The following SHC1 variants were observed in gnomAD, a reference collection of about 807,000 sequenced individuals.
The protein encoded by SHC1 is SHC adaptor protein 1, also known as SHC-transforming protein 1.
Under a neutral mutation model 55.9 loss-of-function variants are expected in SHC1, and 30 were observed. That is an observed-to-expected ratio of 0.54 (90% CI 0.40 to 0.73). SHC1 has a LOEUF of 0.73. Among genes scored for constraint, SHC1 ranks in the 30% least tolerant of loss-of-function variants. The probability of loss-of-function intolerance (pLI) is 0.00; values close to 1 mark genes in which losing one functional copy is unlikely to be tolerated. For synonymous variants in SHC1, 309 were observed against 306.1 expected, an observed-to-expected ratio of 1.01 and a Z score of -0.10; for missense variants, 675 against 777.1, an observed-to-expected ratio of 0.87 and a Z score of 1.56.
At chr1:154,968,360 A>G in intron 4 of SHC1, 103 bp from the exon 5 acceptor site, 1 of 1,536,650 alleles carries the variant, frequency 6.5e-7, no homozygotes, top group Non-Finnish European at 9.0e-7. Context: ...TGGGTTCCTT[A>G]TCCCATATCC....
chr1:154,967,861 C>T, intron 6 of SHC1, 64 bp from the exon 7 acceptor site: 1 of 1,606,076 alleles, frequency 6.2e-7, no homozygotes, highest in Non-Finnish European at 8.5e-7. Flanking sequence ...GACAGGGGCC[C>T]TCATCTTCCT....
Position 154,967,790 on chromosome 1 carries a change from G to A in SHC1, c.864C>T (p.His288=), listed in dbSNP as rs751413466. 1.9e-5 allele frequency: 31 copies of A among 1,613,946 alleles called. 1 individual carries two copies. The highest frequency in any genetic ancestry group is 1.5e-4 in the Admixed American group (9 of 59,992). Residue 288 remains histidine, a synonymous_variant, in exon 7 of 12, where the codon CAC becomes CAT. Coordinates refer to ENST00000448116, the MANE Select transcript of SHC1 (RefSeq NM_001130040.2). ...AKDPVNQRAC[H]ILECPEGLAQ... ...CAAGCCCTTCGGGACACTCCAGAAT[G>A]TGGCAGGCTGAGGGCACAGCAGAGG...
chr1:154,974,304 C>T (rs11811223), upstream of SHC1: 1 of 262,582 alleles, frequency 3.8e-6, no homozygotes, highest in Non-Finnish European at 7.6e-6. Context: ...CCGGATCACG[C>T]CACTGCCAGC....
At chr1:154,964,150 A>G (rs1199352423) in intron 11 of SHC1, 1 of 695,660 alleles carries the variant, frequency 1.4e-6, no homozygotes, top group Admixed American at 1.9e-5. Context: ...CAAAGGCGAC[A>G]TCAGCCCTGA....
chr1:154,971,946 AAAAC>A (rs1432651159), upstream of SHC1, among the ~76,000 whole-genome samples: 4 of 152,076 alleles, frequency 2.6e-5, no homozygotes, highest in Non-Finnish European at 5.9e-5. Context: ...CAAAAAAAAA[AAAAC>A]AAAGATACGT....
At chr1:154,968,406 A>T in intron 4 of SHC1, 89 bp downstream of exon 4, 1 of 1,582,928 alleles carries the variant, frequency 6.3e-7, no homozygotes, top group Non-Finnish European at 8.7e-7. Context: ...CCTGCTCTCA[A>T]GCCCTCTTCC....
At position 154,965,620 on chromosome 1, in the gene SHC1, T is replaced by C; in HGVS notation, c.1549A>G (p.Thr517Ala). Residue 517 changes from threonine to alanine, a missense_variant, in exon 11 of 12, where the codon ACA becomes GCA. Transcript: ENST00000448116. ...GDFLVRESTT[T>A]PGQYVLTGLQ... ...CCAGTGAGCACATACTGGCCAGGTGTGGTCGTGCTCTCCCGTACCAGGAAG... is the reference window on the plus strand; with the variant it reads ...CCAGTGAGCACATACTGGCCAGGTGCGGTCGTGCTCTCCCGTACCAGGAAG... The C allele has an allele frequency of 6.2e-7, 1 of 1,614,070 alleles. No homozygotes were observed. Among genetic ancestry groups the C allele is most frequent in the Non-Finnish European group, 8.5e-7 (1 of 1,180,026 alleles).
At chr1:154,968,140 A>T in intron 5 of SHC1, 64 bp downstream of exon 5, 1 of 1,587,246 alleles carries the variant, frequency 6.3e-7, no homozygotes, top group South Asian at 1.1e-5. Flanking sequence ...TCTCTAATCA[A>T]TGTCTTCCCA....
At chr1:154,974,236 G>C (rs1330416761), upstream of SHC1, 1 of 180,714 alleles carries the variant, frequency 5.5e-6, no homozygotes, top group Non-Finnish European at 1.2e-5. Flanking sequence ...GGAGAAAAAA[G>C]TCAAGACTCA....
Position 154,966,002 on chromosome 1 carries a change from G to A in SHC1, c.1331C>T (p.Ala444Val). 3 of 1,614,088 alleles carry A rather than the reference G, an allele frequency of 1.9e-6. No individual in the cohort carries two copies. The highest frequency in any genetic ancestry group is 2.5e-6 in the Non-Finnish European group (3 of 1,180,004). The change falls in exon 10 of 12, where the codon GCT becomes GTT. Residue 444 changes from alanine (A) to valine (V), a missense_variant. Transcript: ENST00000448116. ...LDKARQAVGG[A>V]GPPNPAINGS... Reference sequence around the variant, plus strand: ...ATTGATAGCAGGATTGGGGGGCCCAGCACCACCCACTGCTTGCCGGGCCTT... The same window carrying A: ...ATTGATAGCAGGATTGGGGGGCCCAACACCACCCACTGCTTGCCGGGCCTT...
intron 11 of SHC1, chr1:154,964,297 A>G (rs1326841217): frequency 2.1e-6 from 1 of 472,300 alleles, no homozygotes; most frequent in Admixed American, 2.3e-5. Flanking sequence ...GCACTCTGGG[A>G]GGCCGAGGGA....
In SHC1 at chr1:154,970,128, C is replaced by A. The variant is rs1355207070; in HGVS notation, c.399G>T (p.Glu133Asp). The stretch of plus-strand genomic sequence containing the variant: ...TGACAAAGCTCCCGTGGCGGGTCCA[C>A]TCCTCGCCCCCAAGCTGGCCCCCTT... Reference protein sequence around the residue: ...RVEGGQLGGEEWTRHGSFVNK... With the variant: ...RVEGGQLGGEDWTRHGSFVNK... The change falls in exon 1 of 12, where the codon GAG (glutamate) becomes GAT (aspartate). Residue 133 changes from glutamate (E) to aspartate (D), a missense_variant. This residue lies in a region of SHC1 where 159 missense variants were observed against 246.9 expected (regional missense o/e 0.64). Transcript: ENST00000448116. The surrounding 1 kb of genome is among the most constrained non-coding windows in gnomAD (Gnocchi z 5.5). 6.2e-7 allele frequency: 1 copy of A among 1,613,370 alleles called. No individual in the cohort carries two copies. Among genetic ancestry groups the A allele is most frequent in the East Asian group, 2.2e-5 (1 of 44,878 alleles).
chr1:154,966,512 G>C lies in SHC1; in HGVS notation c.989C>G (p.Ala330Gly), dbSNP rs776092216. Residue 330 changes from alanine (A) to glycine (G), a missense_variant, in exon 8 of 12, where the codon GCT (alanine) becomes GGT (glycine). Transcript: ENST00000448116. ...ATCCCATGCTGAGCCATCAAAGCCA[G>C]CCATCCTGAGGGACAGGACAGTGAA... The part of the protein sequence containing the change: ...PKLVTPHDRM[A>G]GFDGSAWDEE... 6.3e-7 allele frequency: 1 copy of C among 1,587,438 alleles called. No individual in the cohort carries two copies. The highest frequency in any genetic ancestry group is 8.6e-7 in the Non-Finnish European group (1 of 1,164,952).
In SHC1 at chr1:154,963,704, G is replaced by T; in HGVS notation, c.*99C>A. 2.2e-6 allele frequency: 3 copies of T among 1,357,306 alleles called. No homozygotes were observed. Among genetic ancestry groups the T allele is most frequent in the Non-Finnish European group, 2.1e-6 (2 of 974,444 alleles). The allele number at this position is 1,357,306 out of a possible 1,614,324, so 84.1% of individuals were successfully genotyped here. A position where few individuals can be genotyped will look rare whatever the true frequency, so the allele number is the denominator to read the frequency against. On this transcript the variant is annotated 3_prime_UTR_variant, in exon 12 of 12. Transcript: ENST00000448116. ...CATGCTACTCCCAGCTCTGACACAA[G>T]GCCAAGCCCACAGAACACTCCCAAA...
At chr1:154,973,758 G>A (rs888006156), upstream of SHC1, among the ~76,000 whole-genome samples, 2 of 152,168 alleles carry the variant, frequency 1.3e-5, no homozygotes, top group African/African-American at 4.8e-5. Context: ...AGCTCCTAAG[G>A]GGGCGTGGTC....
Position 154,968,537 on chromosome 1 carries a change from G to C in SHC1, c.708C>G (p.Val236=). The stretch of plus-strand genomic sequence containing the variant: ...CCATGAGGTTGAGGCTGCTGGTGGA[G>C]ACGGTGAGAGTGATTGGCATTCCAG... ...KFAGMPITLT[V]STSSLNLMAA... Residue 236 remains valine, a synonymous_variant, in exon 4 of 12, where the codon GTC becomes GTG. Transcript: ENST00000448116. The C allele has an allele frequency of 2.5e-6, 4 of 1,614,132 alleles. No individual in the cohort carries two copies. The highest frequency in any genetic ancestry group is 3.4e-6 in the Non-Finnish European group (4 of 1,180,012).
chr1:154,964,007 G>T (rs1352426290), intron 11 of SHC1, 76 bp from the exon 12 acceptor site: 3 of 1,512,756 alleles, frequency 2.0e-6, no homozygotes, highest in East Asian at 2.3e-5. Context: ...GTGGAAGAGG[G>T]TGAAACAGAC....
chr1:154,969,968 G>C, intron 1 of SHC1, 64 bp downstream of exon 1: 1 of 1,566,330 alleles, frequency 6.4e-7, no homozygotes, highest in African/African-American at 1.4e-5. Flanking sequence ...TTCCGGCCAA[G>C]CTGGAGTGAG....
chr1:154,968,255 G>T lies in SHC1; in HGVS notation c.753C>A (p.Ile251=). 2 of 1,614,150 alleles carry T rather than the reference G, an allele frequency of 1.2e-6. No individual in the cohort carries two copies. The highest frequency in any genetic ancestry group is 2.2e-5 in the South Asian group (2 of 91,074). Residue 251 remains isoleucine (I), a splice_region_variant and synonymous_variant, in exon 5 of 12, where the codon ATC becomes ATA. Coordinates refer to ENST00000448116, the MANE Select transcript of SHC1 (RefSeq NM_001130040.2). ...LNLMAADCKQ[I]IANHHMQSIS... is the part of the protein sequence containing the mutation. ...TAGATTGCATGTGGTGGTTGGCGAT[G>T]ATCTGAGAATTAGGGCAGGGGATGA...
Sources: allele counts gnomAD v4.1 joint callset (sites outside exome capture counted in the v4.1 genomes callset), GRCh38; gene constraint gnomAD v4.1.1; regional missense constraint gnomAD v4.1.1; non-coding constraint Gnocchi (gnomAD v3.1); transcripts MANE v1.5; gene names NCBI Gene and HGNC (gene_info 2026-07-23, HGNC 2026-07-21).